The following ZNF229 variants were observed in gnomAD, a reference collection of about 807,000 sequenced individuals.
ZNF229 encodes the protein zinc finger protein 229.
ZNF229 carries 10 observed loss-of-function variants against 11.8 expected under a neutral mutation model. That is an observed-to-expected ratio of 0.85 (90% CI 0.52 to 1.44). The LOEUF is 1.44. Ranked by LOEUF, ZNF229 falls within the 40% of genes most tolerant of loss-of-function variation. ZNF229 has a pLI of 0.00. For synonymous variants in ZNF229, 368 were observed against 374.8 expected, an observed-to-expected ratio of 0.98 and a Z score of 0.21; for missense variants, 1,045 against 1,015.1, an observed-to-expected ratio of 1.03 and a Z score of -0.40.
rs1021716730 is a variant in ZNF229 at position 44,448,295 on chromosome 19, C to A, written c.-266+14G>T. 9 of 152,324 alleles carry A rather than the reference C, an allele frequency of 5.9e-5. No homozygotes were observed. Among genetic ancestry groups the A allele is most frequent in the African/African-American group, 2.2e-4 (9 of 41,464 alleles). The allele number at this position is 152,324 out of a possible 1,614,324, so 9.4% of individuals were successfully genotyped here. A position where few individuals can be genotyped will look rare whatever the true frequency, so the allele number is the denominator to read the frequency against. ...AATGTTCGATACGTGCGCCTCCTTA[C>A]ACCCCTGCCTCACCAGGCCGAGCTC... On this transcript the variant is annotated intron_variant, in intron 1 of 5. Coordinates refer to ENST00000614049, the MANE Select transcript of ZNF229 (RefSeq NM_014518.4).
chr19:44,428,718 T>C lies in ZNF229; in HGVS notation c.2063A>G (p.Gln688Arg), dbSNP rs1971634625. ...HTGKKPYTCD[Q>R]CGKGFSYGSN... is the part of the protein sequence containing the mutation. Reference sequence around the variant, plus strand: ...GCCATAACTGAATCCCTTGCCACACTGATCACACGTATAGGGCTTTTTTCC... The same window carrying C: ...GCCATAACTGAATCCCTTGCCACACCGATCACACGTATAGGGCTTTTTTCC... Residue 688 changes from glutamine to arginine, a missense_variant, in exon 6 of 6, where the codon CAG becomes CGG. Transcript: ENST00000614049. The C allele has an allele frequency of 1.9e-6, 3 of 1,613,516 alleles. No homozygotes were observed. Among genetic ancestry groups the C allele is most frequent in the African/African-American group, 1.3e-5 (1 of 74,754 alleles).
chr19:44,428,945 G>A lies in ZNF229; in HGVS notation c.1836C>T (p.Ser612=), dbSNP rs1346561239. The A allele has an allele frequency of 6.2e-7, 1 of 1,613,422 alleles. No individual in the cohort carries two copies. Among genetic ancestry groups the A allele is most frequent in the East Asian group, 2.2e-5 (1 of 44,818 alleles). Residue 612 remains serine (S), a synonymous_variant, in exon 6 of 6, where the codon AGC becomes AGT. Coordinates refer to ENST00000614049, the MANE Select transcript of ZNF229 (RefSeq NM_014518.4). ...CCCTCTGATGGATAAGGAGGTCGGA[G>A]CTGTAGATGAAACCCTTCCCACACA... ...CDVCGKGFIY[S]SDLLIHQRVH... is the part of the protein sequence containing the mutation.
chr19:44,436,202 A>G (rs1331801623), intron 4 of ZNF229, among the ~76,000 whole-genome samples: 3 of 152,100 alleles, frequency 2.0e-5, no homozygotes, highest in African/African-American at 4.8e-5. Flanking sequence ...GCAAGACCCC[A>G]TATCTACAAA....
At chr19:44,441,725 T>C (rs373253679) in intron 4 of ZNF229, among the ~76,000 whole-genome samples, 67 of 152,344 alleles carry the variant, frequency 4.4e-4, no homozygotes, top group African/African-American at 1.6e-3. Context: ...TATACACATT[T>C]GGCTGTTATG....
intron 4 of ZNF229, among the ~76,000 whole-genome samples, chr19:44,441,300 A>G (rs1214135596): frequency 6.6e-6 from 1 of 152,136 alleles, no homozygotes; most frequent in Non-Finnish European, 1.5e-5. Flanking sequence ...AAAACGTGCT[A>G]ATTGCTTCAA....
intron 3 of ZNF229, 33 bp from the exon 4 acceptor site, chr19:44,442,654 T>C (rs1971933688): frequency 1.2e-6 from 2 of 1,611,966 alleles, no homozygotes; most frequent in African/African-American, 2.7e-5. Flanking sequence ...TGAGGAGGAG[T>C]TGGTGCTGCC....
chr19:44,430,419 T>A lies in ZNF229; in HGVS notation c.362A>T (p.Asp121Val). The A allele has an allele frequency of 6.2e-7, 1 of 1,614,162 alleles. No homozygotes were observed. Among genetic ancestry groups the A allele is most frequent in the South Asian group, 1.1e-5 (1 of 91,092 alleles). The change falls in exon 6 of 6, where the codon GAC (aspartate) becomes GTC (valine). Residue 121 changes from aspartate to valine, a missense_variant. Transcript: ENST00000614049. ...EVAGELPGSQ[D>V]CRVNLQGKDF... ...TTTTCCTTGCAGATTTACTCTACAG[T>A]CTTGGCTCCCAGGTAATTCACCTGC...
chr19:44,445,964 A>C (rs920063909), intron 2 of ZNF229, among the ~76,000 whole-genome samples: 1 of 152,204 alleles, frequency 6.6e-6, no homozygotes, highest in African/African-American at 2.4e-5. Flanking sequence ...GTTGGGACCC[A>C]AGAGTGAACA....
intron 4 of ZNF229, among the ~76,000 whole-genome samples, chr19:44,434,723 T>C (rs534633883): frequency 3.3e-5 from 5 of 152,358 alleles, no homozygotes; most frequent in African/African-American, 7.2e-5. Flanking sequence ...AAGAATGAGA[T>C]GAATGCTTTC....
rs1470923137 is a variant in ZNF229, at chr19:44,428,848, T to G, written c.1933A>C (p.Ile645Leu). The change falls in exon 6 of 6, where the codon ATT becomes CTT. Residue 645 changes from isoleucine (I) to leucine (L), a missense_variant. Ile to Leu is a conservative substitution (Grantham distance 5). Transcript: ENST00000614049. ...TCGCCTGTGTGGACTCTCTGGTGAA[T>G]GAGAAGCCCTGAGCTGTAACTGAAG... Reference protein sequence around the residue: ...KGFSYSSGLLIHQRVHTGEKP... With the variant: ...KGFSYSSGLLLHQRVHTGEKP... The G allele has an allele frequency of 6.2e-7, 1 of 1,612,426 alleles. No individual in the cohort carries two copies. The highest frequency in any genetic ancestry group is 1.1e-5 in the South Asian group (1 of 91,030).
chr19:44,444,255 T>C (rs1309384347), intron 2 of ZNF229, among the ~76,000 whole-genome samples: 1 of 152,154 alleles, frequency 6.6e-6, no homozygotes, highest in Non-Finnish European at 1.5e-5. Flanking sequence ...CCTCTTGAAA[T>C]TCAAGTCTCA....
chr19:44,442,930 AG>A lies in ZNF229; in HGVS notation c.-84del. On this transcript the variant is annotated 5_prime_UTR_variant, in exon 3 of 6. It introduces an in-frame stop codon into an upstream open reading frame of the 5' UTR. Transcript: ENST00000614049. ...CCTAAGCTGGAGACGCAGAAGATCC[AG>A]GCCTTTTTCATTCCGGAAACTCTCC... 1 of 1,537,360 alleles carries A rather than the reference AG, an allele frequency of 6.5e-7. No homozygotes were observed. Among genetic ancestry groups the A allele is most frequent in the Non-Finnish European group, 9.0e-7 (1 of 1,111,486 alleles).
chr19:44,439,837 G>C (rs991023309), intron 4 of ZNF229, among the ~76,000 whole-genome samples: 5 of 152,206 alleles, frequency 3.3e-5, no homozygotes, highest in African/African-American at 1.2e-4. Flanking sequence ...GCATATTAGC[G>C]AGGACAGTTG....
In ZNF229 at chr19:44,430,011, C is replaced by A. The variant is rs778772232; in HGVS notation, c.770G>T (p.Arg257Leu). 1.2e-6 allele frequency: 2 copies of A among 1,613,996 alleles called. No homozygotes were observed. The highest frequency in any genetic ancestry group is 2.7e-5 in the African/African-American group (2 of 74,858). Residue 257 changes from arginine (R) to leucine (L), a missense_variant, in exon 6 of 6, where the codon CGC becomes CTC. Coordinates refer to ENST00000614049, the MANE Select transcript of ZNF229 (RefSeq NM_014518.4). ...KDCIKNSVLH[R>L]INPGENGLKS... ...CAAGCCATTCTCTCCAGGGTTAATG[C>A]GATGAAGTACAGAGTTTTTAATGCA...
Position 44,430,065 on chromosome 19 carries a change from G to A in ZNF229, c.716C>T (p.Pro239Leu), listed in dbSNP as rs376128333. The A allele has an allele frequency of 1.9e-5, 31 of 1,613,980 alleles. No homozygotes were observed. Among genetic ancestry groups the A allele is most frequent in the African/African-American group, 5.3e-5 (4 of 74,850 alleles). Residue 239 changes from proline to leucine, a missense_variant, in exon 6 of 6, where the codon CCG (proline) becomes CTG (leucine). Physicochemically the swap from Pro to Leu is moderately conservative, Grantham distance 98. Coordinates refer to ENST00000614049, the MANE Select transcript of ZNF229 (RefSeq NM_014518.4). ...TTTTCTGCATTTATTGCAACCACAC[G>A]GCTTGTCTATTTCAGGGAATCTGTG... The part of the protein sequence containing the change: ...VDHRFPEIDK[P>L]CGCNKCRKDC...
intron 4 of ZNF229, among the ~76,000 whole-genome samples, chr19:44,439,713 G>C (rs560809901): frequency 6.6e-6 from 1 of 151,890 alleles, no homozygotes; most frequent in African/African-American, 2.4e-5. Flanking sequence ...CAAAGTGCTG[G>C]GATTAGAGGT....
At chr19:44,431,536 G>C (rs533604528) in intron 5 of ZNF229, among the ~76,000 whole-genome samples, 147 of 152,242 alleles carry the variant, frequency 9.7e-4, no homozygotes, top group African/African-American at 3.5e-3. Context: ...CGGAAGTCCA[G>C]AGGTCCCTCG....
At chr19:44,438,830 AC>A (rs1290944157) in intron 4 of ZNF229, among the ~76,000 whole-genome samples, 1 of 152,114 alleles carries the variant, frequency 6.6e-6, no homozygotes, top group Non-Finnish European at 1.5e-5. Flanking sequence ...CATGCCCCTT[AC>A]CCCATACCTT....
intron 2 of ZNF229, among the ~76,000 whole-genome samples, chr19:44,445,985 C>A (rs536173038): frequency 6.6e-6 from 1 of 152,240 alleles, no homozygotes; most frequent in East Asian, 1.9e-4. Context: ...GGGCAGACAA[C>A]GACTCTGTGC....
Sources: gnomAD v4.1 joint callset for allele counts (sites outside exome capture counted in the v4.1 genomes callset) on GRCh38, gnomAD v4.1.1 for gene constraint, MANE v1.5 for transcripts, NCBI Gene and HGNC (gene_info 2026-07-23, HGNC 2026-07-21) for gene names.